TLN2: variants seen among roughly 807,000 people sequenced by gnomAD.
TLN2 encodes talin-2.
In TLN2, 118 loss-of-function variants were observed where a neutral mutation model predicts 294.7. The observed-to-expected ratio is 0.40, with a 90% CI of 0.34 to 0.47. The LOEUF is 0.47. TLN2 is among the 20% of genes least tolerant of loss of function. The probability of loss-of-function intolerance (pLI) is 0.84; values close to 1 mark genes in which losing one functional copy is unlikely to be tolerated. For missense variants in TLN2, 3,083 were observed against 3,282.2 expected (o/e 0.94, Z 1.48); for synonymous variants, 1,431 against 1,304.5 (o/e 1.10, Z -2.09).
At chr15:62,792,380 G>C (rs535639653) in intron 45 of TLN2, among the ~76,000 whole-genome samples, 2 of 152,160 alleles carry the variant, frequency 1.3e-5, no homozygotes, top group African/African-American at 4.8e-5. Flanking sequence ...TATAAACCAG[G>C]AAAGATATGT....
chr15:62,797,121 TAACAA>T (rs1834135511), intron 47 of TLN2, 93 bp from the exon 48 acceptor site: 1 of 1,370,358 alleles, frequency 7.3e-7, no homozygotes, highest in South Asian at 1.3e-5. Flanking sequence ...CAAAGCCCTT[TAACAA>T]AAGCCCCATG....
intron 3 of TLN2, among the ~76,000 whole-genome samples, chr15:62,623,564 T>A (rs898329960): frequency 1.3e-5 from 2 of 152,230 alleles, no homozygotes; most frequent in Non-Finnish European, 2.9e-5. Flanking sequence ...AAATTAAAGT[T>A]TAAATTGTAG....
intron 1 of TLN2, among the ~76,000 whole-genome samples, chr15:62,499,558 G>A (rs1204989032): frequency 6.6e-6 from 1 of 152,188 alleles, no homozygotes; most frequent in Non-Finnish European, 1.5e-5. Flanking sequence ...GCCAACTGAT[G>A]AATGTAGTTT....
At chr15:62,571,665 A>G (rs865883138) in intron 1 of TLN2, among the ~76,000 whole-genome samples, 1 of 152,200 alleles carries the variant, frequency 6.6e-6, no homozygotes, top group Admixed American at 6.5e-5. Context: ...CCCATGTACC[A>G]GCTTATCTCC....
intron 1 of TLN2, among the ~76,000 whole-genome samples, chr15:62,396,572 C>T (rs1307655734): frequency 6.6e-6 from 1 of 152,142 alleles, no homozygotes; most frequent in Non-Finnish European, 1.5e-5. Context: ...TTCAGAAAAA[C>T]TGTTTCCCTC....
chr15:62,611,251 A>G (rs1300495747), intron 2 of TLN2, among the ~76,000 whole-genome samples: 2 of 152,182 alleles, frequency 1.3e-5, no homozygotes, highest in Non-Finnish European at 1.5e-5. Context: ...GTGAGCCCCA[A>G]TGATTGAAAA....
At chr15:62,462,624 G>T (rs2036867175) in intron 1 of TLN2, among the ~76,000 whole-genome samples, 1 of 152,218 alleles carries the variant, frequency 6.6e-6, no homozygotes, top group Non-Finnish European at 1.5e-5. Context: ...CTGTTTTTAG[G>T]AGACAAGTGA....
chr15:62,478,740 A>T (rs537685931), intron 1 of TLN2, among the ~76,000 whole-genome samples: 11 of 152,318 alleles, frequency 7.2e-5, no homozygotes, highest in African/African-American at 2.2e-4. Flanking sequence ...TCTATGTCAA[A>T]GACAATCTCC....
chr15:62,782,693 A>G (rs1480981599), intron 44 of TLN2, among the ~76,000 whole-genome samples: 9 of 152,222 alleles, frequency 5.9e-5, no homozygotes, highest in Non-Finnish European at 1.5e-5. Flanking sequence ...CGTGCAGCTC[A>G]GTGTGCGTTC....
At chr15:62,511,083 A>T (rs560748078) in intron 1 of TLN2, among the ~76,000 whole-genome samples, 3 of 152,332 alleles carry the variant, frequency 2.0e-5, no homozygotes, top group South Asian at 4.1e-4. Flanking sequence ...TGTCTTCACT[A>T]TGGAGTGACC....
At chr15:62,732,003 T>G (rs2060755952) in intron 28 of TLN2, among the ~76,000 whole-genome samples, 1 of 152,100 alleles carries the variant, frequency 6.6e-6, no homozygotes, top group African/African-American at 2.4e-5. Flanking sequence ...GAATGCAAAA[T>G]TTGATCCCAA....
At chr15:62,724,944 C>G in intron 26 of TLN2, 32 bp from the exon 27 acceptor site, 1 of 1,585,000 alleles carries the variant, frequency 6.3e-7, no homozygotes, top group Non-Finnish European at 8.6e-7. Flanking sequence ...CCCAAGCAGA[C>G]TGGGTATACA....
intron 48 of TLN2, among the ~76,000 whole-genome samples, chr15:62,797,840 C>A (rs770697384): frequency 1.3e-5 from 2 of 152,160 alleles, no homozygotes; most frequent in Non-Finnish European, 2.9e-5. Context: ...CCTGCCCAGG[C>A]ACGGGGCTGT....
intron 9 of TLN2, among the ~76,000 whole-genome samples, chr15:62,664,942 CAGAAG>C (rs934942756): frequency 4.9e-5 from 7 of 142,524 alleles, no homozygotes; most frequent in Admixed American, 3.6e-4. Flanking sequence ...ACTTTAATAA[CAGAAG>C]AGAAGTAGCA....
intron 1 of TLN2, among the ~76,000 whole-genome samples, chr15:62,432,513 G>T (rs188656248): frequency 3.9e-4 from 60 of 152,300 alleles, no homozygotes; most frequent in African/African-American, 1.4e-3. Flanking sequence ...TTGCATTGGG[G>T]ATTGTTTCTA....
intron 1 of TLN2, among the ~76,000 whole-genome samples, chr15:62,543,269 C>G (rs2041803111): frequency 6.6e-6 from 1 of 152,216 alleles, no homozygotes; most frequent in African/African-American, 2.4e-5. Context: ...TGTTCAGAAA[C>G]TCTATATTCT....
chr15:62,809,163 AT>A (rs1016336039), intron 51 of TLN2, among the ~76,000 whole-genome samples: 15 of 152,082 alleles, frequency 9.9e-5, no homozygotes, highest in Non-Finnish European at 1.9e-4. Context: ...CTTGCTAAAA[AT>A]TTTTTTTCAT....
intron 19 of TLN2, among the ~76,000 whole-genome samples, chr15:62,706,358 G>T (rs1052628220): frequency 1.3e-5 from 2 of 152,274 alleles, no homozygotes; most frequent in African/African-American, 4.8e-5. Context: ...TAGTCATTGA[G>T]TTGAAGCATA....
At chr15:62,579,365 CCA>C (rs2044712176) in intron 1 of TLN2, among the ~76,000 whole-genome samples, 1 of 152,104 alleles carries the variant, frequency 6.6e-6, no homozygotes, top group Non-Finnish European at 1.5e-5. Context: ...CTAATCAGGG[CCA>C]AGTGGTGACA....
Sources: gnomAD v4.1 joint callset for allele counts (sites outside exome capture counted in the v4.1 genomes callset) on GRCh38, gnomAD v4.1.1 for gene constraint, MANE v1.5 for transcripts, NCBI Gene and HGNC (gene_info 2026-07-23, HGNC 2026-07-21) for gene names.